The following SRD5A2 variants were observed in gnomAD, a reference collection of about 807,000 sequenced individuals.
SRD5A2 encodes 3-oxo-5-alpha-steroid 4-dehydrogenase 2.
SRD5A2 carries 30 observed loss-of-function variants against 27.4 expected under a neutral mutation model. That is an observed-to-expected ratio of 1.10 (90% CI 0.82 to 1.49). SRD5A2 has a LOEUF of 1.49. Among genes scored for constraint, SRD5A2 ranks in the 40% most tolerant of loss-of-function variants. The probability of loss-of-function intolerance (pLI) is 0.00; values close to 1 mark genes in which losing one functional copy is unlikely to be tolerated. For missense variants in SRD5A2, 348 were observed against 323.4 expected (o/e 1.08, Z -0.58); for synonymous variants, 141 against 133.6 (o/e 1.06, Z -0.38).
intron 1 of SRD5A2, among the ~76,000 whole-genome samples, chr2:31,578,766 A>G (rs1255431650): frequency 1.3e-5 from 2 of 151,402 alleles, no homozygotes; most frequent in Non-Finnish European, 2.9e-5. Flanking sequence ...TATTTGTTTT[A>G]TGCATAATTA....
At chr2:31,536,192 G>C (rs995026899) in intron 1 of SRD5A2, among the ~76,000 whole-genome samples, 4 of 152,162 alleles carry the variant, frequency 2.6e-5, no homozygotes, top group African/African-American at 9.7e-5. Flanking sequence ...GCTACAGAAA[G>C]GTATTTTTTA....
chr2:31,537,737 T>G (rs1243304433), intron 1 of SRD5A2, among the ~76,000 whole-genome samples: 1 of 152,184 alleles, frequency 6.6e-6, no homozygotes, highest in African/African-American at 2.4e-5. Context: ...AAAATTTGTG[T>G]GCTGGAAATT....
rs576732847 is a variant in SRD5A2, at chr2:31,564,727, A to T, written c.281+15893T>A. On this transcript the variant is annotated intron_variant, in intron 1 of 4. Coordinates refer to ENST00000622030, the MANE Select transcript of SRD5A2 (RefSeq NM_000348.4). ...TCTTGTTGGAAATAATGCAAACAAGACGACAGTGAAACATCTTTAAAGTAA... is the reference window on the plus strand; with the variant it reads ...TCTTGTTGGAAATAATGCAAACAAGTCGACAGTGAAACATCTTTAAAGTAA... Among the ~76,000 whole-genome samples the T allele has an allele frequency of 3.3e-5, 5 of 152,150 alleles. No individual in the cohort carries two copies. The South Asian group carries it at 1.0e-3, about 32-fold the overall frequency.
At chr2:31,543,857 T>C (rs569168670) in intron 1 of SRD5A2, among the ~76,000 whole-genome samples, 1 of 152,096 alleles carries the variant, frequency 6.6e-6, no homozygotes, top group Non-Finnish European at 1.5e-5. Flanking sequence ...AGTAATAGCA[T>C]ACATGAAAAT....
At chr2:31,638,704 A>C in the SRD5A2 span, among the ~76,000 whole-genome samples, 1 of 149,782 alleles carries the variant, frequency 6.7e-6, no homozygotes, top group South Asian at 2.1e-4. Context: ...ATAGTCTCTG[A>C]TTTGTAGTCT....
the SRD5A2 span, among the ~76,000 whole-genome samples, chr2:31,643,653 T>G: frequency 6.6e-6 from 1 of 152,094 alleles, no homozygotes; most frequent in African/African-American, 2.4e-5. Context: ...ATATATATAA[T>G]GAACACAGAA....
At chr2:31,529,218 C>G (rs1444264266) in intron 4 of SRD5A2, 89 bp downstream of exon 4, 25 of 1,520,064 alleles carry the variant, frequency 1.6e-5, no homozygotes, top group Non-Finnish European at 2.1e-5. Context: ...TAAATATCTT[C>G]GGTTTCTCAA....
chr2:31,586,551 A>G, the SRD5A2 span, among the ~76,000 whole-genome samples: 1 of 127,120 alleles, frequency 7.9e-6, no homozygotes. Flanking sequence ...CTCAGAACTG[A>G]CAGAGGGACT....
At chr2:31,591,793 T>C in the SRD5A2 span, among the ~76,000 whole-genome samples, 1 of 68,160 alleles carries the variant, frequency 1.5e-5, no homozygotes, top group Non-Finnish European at 2.7e-5. Flanking sequence ...TGTNAGGNCA[T>C]GGATGAAGCT....
chr2:31,558,105 G>A (rs138457690), intron 1 of SRD5A2, among the ~76,000 whole-genome samples: 35 of 152,230 alleles, frequency 2.3e-4, no homozygotes, highest in African/African-American at 6.5e-4. Flanking sequence ...CATAAAAATC[G>A]GGGGGAGTTT....
the SRD5A2 span, among the ~76,000 whole-genome samples, chr2:31,595,589 G>A: frequency 6.6e-6 from 1 of 151,994 alleles, no homozygotes; most frequent in Non-Finnish European, 1.5e-5. Flanking sequence ...AAAAAATCCA[G>A]GACCAGATGG....
At chr2:31,657,800 C>G in the SRD5A2 span, among the ~76,000 whole-genome samples, 3 of 152,212 alleles carry the variant, frequency 2.0e-5, no homozygotes, top group Non-Finnish European at 4.4e-5. Context: ...AACACAGTTT[C>G]TACCAACAGC....
At chr2:31,547,375 A>G (rs928559296) in intron 1 of SRD5A2, among the ~76,000 whole-genome samples, 6 of 152,120 alleles carry the variant, frequency 3.9e-5, no homozygotes. Context: ...ATTTGATTCT[A>G]ATGATTGGGC....
At chr2:31,557,566 T>A (rs1332013068) in intron 1 of SRD5A2, among the ~76,000 whole-genome samples, 1 of 152,194 alleles carries the variant, frequency 6.6e-6, no homozygotes, top group Non-Finnish European at 1.5e-5. Flanking sequence ...ATCAACAATT[T>A]GTTTTAATTT....
At chr2:31,656,870 C>A in the SRD5A2 span, among the ~76,000 whole-genome samples, 7 of 152,266 alleles carry the variant, frequency 4.6e-5, no homozygotes, top group Non-Finnish European at 1.0e-4. Flanking sequence ...GACACTTAAC[C>A]TATATTTTAT....
chr2:31,526,284 A>C (rs776685049), intron 4 of SRD5A2, 22 bp from the exon 5 acceptor site: 47 of 1,496,272 alleles, frequency 3.1e-5, no homozygotes, highest in Non-Finnish European at 2.5e-5. Context: ...GAAAGGAATA[A>C]TTGTAAATAT....
At chr2:31,542,650 A>G (rs1308892946) in intron 1 of SRD5A2, among the ~76,000 whole-genome samples, 1 of 152,206 alleles carries the variant, frequency 6.6e-6, no homozygotes, top group African/African-American at 2.4e-5. Flanking sequence ...AACAGAAATG[A>G]AAAATTTACT....
At chr2:31,648,845 T>C in the SRD5A2 span, among the ~76,000 whole-genome samples, 1 of 152,228 alleles carries the variant, frequency 6.6e-6, no homozygotes, top group African/African-American at 2.4e-5. Flanking sequence ...TGCTTTGTCC[T>C]CTGAGTAGCC....
chr2:31,604,621 A>G, the SRD5A2 span, among the ~76,000 whole-genome samples: 51 of 151,840 alleles, frequency 3.4e-4, no homozygotes, highest in Middle Eastern at 3.4e-3. Context: ...TCTCTACAAT[A>G]AAAACCACAA....
Sources: gnomAD v4.1 joint callset for allele counts (sites outside exome capture counted in the v4.1 genomes callset) on GRCh38, gnomAD v4.1.1 for gene constraint, MANE v1.5 for transcripts, NCBI Gene and HGNC (gene_info 2026-07-23, HGNC 2026-07-21) for gene names.